Variants in IARS1 observed in about 807,000 individuals in gnomAD.
IARS1 encodes isoleucyl-tRNA synthetase 1.
IARS1 carries 124 observed loss-of-function variants against 168.2 expected under a neutral mutation model. The observed-to-expected ratio is 0.74, with a 90% CI of 0.64 to 0.86. The LOEUF is 0.86. Ranked by LOEUF, IARS1 falls within the 40% of genes least tolerant of loss-of-function variation. The probability of loss-of-function intolerance (pLI) is 0.00; values close to 1 mark genes in which losing one functional copy is unlikely to be tolerated. For missense variants in IARS1, 1,452 were observed against 1,515.8 expected, an observed-to-expected ratio of 0.96 and a Z score of 0.70; for synonymous variants, 532 against 529.4, an observed-to-expected ratio of 1.00 and a Z score of -0.07.
intron 6 of IARS1, among the ~76,000 whole-genome samples, chr9:92,283,111 T>C (rs912330838): frequency 2.0e-5 from 3 of 152,110 alleles, no homozygotes; most frequent in Non-Finnish European, 2.9e-5. Context: ...GCCACTGTGC[T>C]TGGTCAAGTC....
chr9:92,291,602 T>C (rs1390417814), intron 1 of IARS1, among the ~76,000 whole-genome samples: 1 of 152,256 alleles, frequency 6.6e-6, no homozygotes, highest in African/African-American at 2.4e-5. Flanking sequence ...TAAGGCATTT[T>C]AGATCTTCAA....
chr9:92,280,634 TG>T, intron 7 of IARS1, 111 bp downstream of exon 7: 6 of 601,240 alleles, frequency 1.0e-5, no homozygotes, highest in Non-Finnish European at 1.6e-5. Context: ...TAAGTCAGAT[TG>T]TTTTCAAATA....
At chr9:92,246,539 T>C (rs574662600) in intron 26 of IARS1, among the ~76,000 whole-genome samples, 8 of 152,324 alleles carry the variant, frequency 5.3e-5, no homozygotes, top group African/African-American at 1.9e-4. Context: ...TGTTTTTATG[T>C]TACCCTACAC....
chr9:92,211,550 A>T (rs1253225500), intron 33 of IARS1, among the ~76,000 whole-genome samples: 5 of 151,984 alleles, frequency 3.3e-5, no homozygotes, highest in African/African-American at 1.2e-4. Flanking sequence ...CCCTGAGTAG[A>T]ATCCTCACTC....
At chr9:92,249,598 C>A (rs1829722225) in intron 25 of IARS1, among the ~76,000 whole-genome samples, 3 of 151,802 alleles carry the variant, frequency 2.0e-5, no homozygotes, top group Non-Finnish European at 4.4e-5. Flanking sequence ...AAGGACAGGA[C>A]AGAAAAGAAC....
At chr9:92,231,149 T>C (rs1350042354) in intron 30 of IARS1, among the ~76,000 whole-genome samples, 1 of 152,206 alleles carries the variant, frequency 6.6e-6, no homozygotes, top group Non-Finnish European at 1.5e-5. Flanking sequence ...TTAAAACTCT[T>C]TGTTTAATGT....
chr9:92,259,089 C>A, intron 18 of IARS1, 91 bp from the exon 19 acceptor site: 1 of 1,179,070 alleles, frequency 8.5e-7, no homozygotes, highest in South Asian at 1.7e-5. Flanking sequence ...AGATGAAAAT[C>A]AGTCCTATTT....
intron 12 of IARS1, 122 bp from the exon 13 acceptor site, chr9:92,270,105 T>C: frequency 1.7e-6 from 1 of 584,450 alleles, no homozygotes; most frequent in Non-Finnish European, 3.1e-6. Flanking sequence ...CTAATATTCA[T>C]TTTTATTATA....
intron 5 of IARS1, among the ~76,000 whole-genome samples, 182 bp downstream of exon 5, chr9:92,286,354 G>A (rs150882455): frequency 7.6e-4 from 116 of 152,260 alleles, no homozygotes; most frequent in African/African-American, 2.4e-3. Context: ...GCAACTGAGC[G>A]AGACTCAGTC....
At position 92,275,448 on chromosome 9, in the gene IARS1, T is replaced by G. The variant is rs531125962; in HGVS notation, c.895-927A>C. On this transcript the variant is annotated intron_variant, in intron 9 of 33. Transcript: ENST00000443024. Reference sequence around the variant, plus strand: ...CACAGCACTCGGTTTCTTTGGAACTTAAAACTAAACTTGAAAAATAACCAT... The same window carrying G: ...CACAGCACTCGGTTTCTTTGGAACTGAAAACTAAACTTGAAAAATAACCAT... Among the ~76,000 whole-genome samples, 7 of 152,346 alleles carry G rather than the reference T, an allele frequency of 4.6e-5. No homozygotes were observed. In the South Asian group the frequency reaches 1.4e-3, roughly 32 times the overall value.
intron 32 of IARS1, 124 bp from the exon 33 acceptor site, chr9:92,222,796 G>T: frequency 1.3e-6 from 1 of 792,060 alleles, no homozygotes; most frequent in Non-Finnish European, 2.0e-6. Context: ...AGGAGCGTGA[G>T]TGTGACCGCT....
At position 92,289,287 on chromosome 9, in the gene IARS1, A is replaced by C; in HGVS notation, c.119+14T>G. ...ACTATTCTTAAGGGAACTTAACCTA[A>C]AAAATTCACATACTTTGGTTTATGT... On this transcript the variant is annotated intron_variant, in intron 2 of 33. Transcript: ENST00000443024. The C allele has an allele frequency of 9.0e-7, 1 of 1,111,376 alleles. No homozygotes were observed. Among genetic ancestry groups the C allele is most frequent in the Non-Finnish European group, 1.4e-6 (1 of 733,750 alleles). 68.8% of individuals were successfully genotyped at this position (1,111,376 alleles called of 1,614,324 possible). A position where few individuals can be genotyped will look rare whatever the true frequency, so the allele number is the denominator to read the frequency against.
rs1196398869 is a variant in IARS1 at position 92,256,791 on chromosome 9, T to C, written c.2026A>G (p.Ile676Val). Residue 676 changes from isoleucine (I) to valine (V), a missense_variant, in exon 20 of 34, where the codon ATA (isoleucine) becomes GTA (valine). By Grantham distance (29) the Ile-to-Val change is conservative. Coordinates refer to ENST00000443024, the MANE Select transcript of IARS1 (RefSeq NM_002161.6). ...NVLRLQKEEE[I>V]EFLYNENTVR... ...GTGTTCTCATTGTAGAGAAATTCTA[T>C]TTCTTCCTCCTAGGAAGGAACAATT... 1 of 1,612,782 alleles carries C rather than the reference T, an allele frequency of 6.2e-7. No individual in the cohort carries two copies. The highest frequency in any genetic ancestry group is 1.7e-5 in the Admixed American group (1 of 59,968).
chr9:92,216,903 C>G (rs1288965059), intron 33 of IARS1, among the ~76,000 whole-genome samples: 8 of 150,482 alleles, frequency 5.3e-5, no homozygotes, highest in Admixed American at 2.7e-4. Context: ...GAATTGAACT[C>G]AGCTCTGCAC....
chr9:92,288,065 G>C, intron 3 of IARS1, 61 bp downstream of exon 3: 3 of 1,552,348 alleles, frequency 1.9e-6, no homozygotes, highest in Non-Finnish European at 2.6e-6. Flanking sequence ...CATATTATAT[G>C]ACAAAATCTA....
chr9:92,237,500 C>T (rs1325418993), intron 30 of IARS1, among the ~76,000 whole-genome samples: 2 of 151,720 alleles, frequency 1.3e-5, no homozygotes, highest in East Asian at 1.9e-4. Context: ...TTATATTCTG[C>T]TATTTTTGGC....
At chr9:92,216,185 G>A in intron 33 of IARS1, among the ~76,000 whole-genome samples, 3 of 150,558 alleles carry the variant, frequency 2.0e-5, no homozygotes, top group African/African-American at 2.4e-5. Context: ...CTTCATAAGA[G>A]AAGGAGAAAT....
In IARS1 at chr9:92,210,556, G is replaced by T; in HGVS notation, c.*251C>A. ...GAACTCAAGTATAGAAATAAACTGTGGGCTGAAGTAACATTGTAACCTGCT... is the reference window on the plus strand; with the variant it reads ...GAACTCAAGTATAGAAATAAACTGTTGGCTGAAGTAACATTGTAACCTGCT... On this transcript the variant is annotated 3_prime_UTR_variant, in exon 34 of 34. Coordinates refer to ENST00000443024, the MANE Select transcript of IARS1 (RefSeq NM_002161.6). The T allele has an allele frequency of 2.8e-6, 1 of 363,054 alleles. No homozygotes were observed. The highest frequency in any genetic ancestry group is 5.0e-6 in the Non-Finnish European group (1 of 199,830). 22.5% of individuals were successfully genotyped at this position (363,054 alleles called of 1,614,324 possible).
At chr9:92,266,684 A>G (rs996013159) in intron 14 of IARS1, among the ~76,000 whole-genome samples, 1 of 152,126 alleles carries the variant, frequency 6.6e-6, no homozygotes, top group Admixed American at 6.5e-5. Flanking sequence ...TTCTCTCTCT[A>G]TTAGCTCCTG....
Sources: gnomAD v4.1 joint callset for allele counts (sites outside exome capture counted in the v4.1 genomes callset) on GRCh38, gnomAD v4.1.1 for gene constraint, MANE v1.5 for transcripts, NCBI Gene and HGNC (gene_info 2026-07-23, HGNC 2026-07-21) for gene names.